The following BTBD10 variants were observed in gnomAD, a reference collection of about 807,000 sequenced individuals.
The protein encoded by BTBD10 is BTB/POZ domain-containing protein 10.
A neutral mutation model predicts 53.2 loss-of-function variants in BTBD10; 21 were observed. That is an observed-to-expected ratio of 0.39 (90% CI 0.28 to 0.57). The LOEUF is 0.57. Ranked by LOEUF, BTBD10 falls within the 20% of genes least tolerant of loss-of-function variation. The pLI is 0.53. For missense variants in BTBD10, 360 were observed against 594.7 expected, an observed-to-expected ratio of 0.61 and a Z score of 4.10; for synonymous variants, 149 against 192.7, an observed-to-expected ratio of 0.77 and a Z score of 1.88.
At chr11:13,430,804 A>G (rs1249076807) in intron 2 of BTBD10, among the ~76,000 whole-genome samples, 3 of 152,148 alleles carry the variant, frequency 2.0e-5, no homozygotes, top group Non-Finnish European at 4.4e-5. Flanking sequence ...ATTATATAAA[A>G]TTCTAGGAAA....
intron 8 of BTBD10, 120 bp downstream of exon 8, chr11:13,403,048 G>C (rs1666463102): frequency 1.6e-6 from 1 of 641,590 alleles, no homozygotes; most frequent in South Asian, 2.2e-5. Context: ...ATAAGCATGT[G>C]GTAATCATTT....
intron 1 of BTBD10, among the ~76,000 whole-genome samples, chr11:13,451,957 A>C (rs1221824928): frequency 1.3e-5 from 2 of 152,196 alleles, no homozygotes; most frequent in East Asian, 3.8e-4. Flanking sequence ...TGAAAAGAAC[A>C]ATAACTAGAA....
At chr11:13,393,047 T>C (rs1175061481) in intron 8 of BTBD10, among the ~76,000 whole-genome samples, 1 of 152,072 alleles carries the variant, frequency 6.6e-6, no homozygotes, top group Non-Finnish European at 1.5e-5. Flanking sequence ...ACAAACAAAA[T>C]GAAAAACCCC....
At chr11:13,448,470 C>T (rs1950790225) in intron 1 of BTBD10, among the ~76,000 whole-genome samples, 1 of 152,086 alleles carries the variant, frequency 6.6e-6, no homozygotes, top group Admixed American at 6.5e-5. Flanking sequence ...ACAGGCACCC[C>T]AACTTCAATA....
At chr11:13,395,459 G>T (rs1395153766) in intron 8 of BTBD10, among the ~76,000 whole-genome samples, 1 of 152,072 alleles carries the variant, frequency 6.6e-6, no homozygotes, top group Non-Finnish European at 1.5e-5. Context: ...AGATGAGTAG[G>T]TTGCAAAAAT....
At chr11:13,399,291 T>C (rs1050820228) in intron 8 of BTBD10, among the ~76,000 whole-genome samples, 1 of 152,330 alleles carries the variant, frequency 6.6e-6, no homozygotes. Context: ...CTTCATTTCA[T>C]TCATTTTGTC....
chr11:13,408,061 A>G (rs1275989111), intron 6 of BTBD10, among the ~76,000 whole-genome samples: 1 of 152,152 alleles, frequency 6.6e-6, no homozygotes, highest in African/African-American at 2.4e-5. Context: ...GAGGCCTCAG[A>G]TATTGTGATA....
intron 8 of BTBD10, among the ~76,000 whole-genome samples, chr11:13,401,036 A>C (rs1338453420): frequency 6.6e-6 from 1 of 152,110 alleles, no homozygotes; most frequent in Non-Finnish European, 1.5e-5. Flanking sequence ...GATTGATTCA[A>C]ATAAAGTATT....
Position 13,388,519 on chromosome 11 carries a change from G to T in BTBD10, c.*312C>A. 4.0e-6 allele frequency: 1 copy of T among 246,992 alleles called. No homozygotes were observed. The highest frequency in any genetic ancestry group is 7.9e-6 in the Non-Finnish European group (1 of 126,436). 15.3% of individuals were successfully genotyped at this position (246,992 alleles called of 1,614,324 possible). A position where few individuals can be genotyped will look rare whatever the true frequency, so the allele number is the denominator to read the frequency against. The stretch of plus-strand genomic sequence containing the variant: ...ATCAGTCCAAACTGAAAGTACCCCA[G>T]CTGCCAATTTCCACCACTTCTGAAA... On this transcript the variant is annotated 3_prime_UTR_variant, in exon 9 of 9. Transcript: ENST00000278174.
intron 2 of BTBD10, among the ~76,000 whole-genome samples, chr11:13,428,124 T>C (rs1299131736): frequency 3.3e-5 from 5 of 151,964 alleles, no homozygotes; most frequent in African/African-American, 1.2e-4. Context: ...AAACTACCAA[T>C]GTCAGAAATA....
intron 8 of BTBD10, among the ~76,000 whole-genome samples, chr11:13,394,805 T>C (rs1189705542): frequency 6.6e-6 from 1 of 152,022 alleles, no homozygotes; most frequent in Non-Finnish European, 1.5e-5. Context: ...TTTGGCTTTG[T>C]CCTTGCGATA....
intron 8 of BTBD10, among the ~76,000 whole-genome samples, chr11:13,398,718 G>C (rs1230771237): frequency 6.6e-6 from 1 of 152,210 alleles, no homozygotes; most frequent in Non-Finnish European, 1.5e-5. Context: ...TCCTTCAGGA[G>C]CTCTTGTAGG....
chr11:13,442,373 A>C (rs1311951807), intron 2 of BTBD10, among the ~76,000 whole-genome samples: 1 of 152,156 alleles, frequency 6.6e-6, no homozygotes, highest in African/African-American at 2.4e-5. Flanking sequence ...AAATTATGTA[A>C]AATTTGAAAA....
intron 1 of BTBD10, chr11:13,462,804 A>G (rs1360154751): frequency 6.6e-6 from 1 of 151,976 alleles, no homozygotes; most frequent in Non-Finnish European, 1.5e-5. Context: ...TGCCCTGGAA[A>G]GGGATGAGGG....
chr11:13,450,345 A>G (rs1320668916), intron 1 of BTBD10, among the ~76,000 whole-genome samples: 1 of 152,196 alleles, frequency 6.6e-6, no homozygotes, highest in Non-Finnish European at 1.5e-5. Flanking sequence ...TGGCAGACAA[A>G]AGAGTAAATA....
In BTBD10 at chr11:13,388,513, AC is replaced by A. The variant is rs1176007746; in HGVS notation, c.*317del. ...ATGAATATCAGTCCAAACTGAAAGT[AC>A]CCCAGCTGCCAATTTCCACCACTTC... is the stretch of plus-strand genomic sequence containing the variant. On this transcript the variant is annotated 3_prime_UTR_variant, in exon 9 of 9. Coordinates refer to ENST00000278174, the MANE Select transcript of BTBD10 (RefSeq NM_032320.7). 1 of 241,292 alleles carries A rather than the reference AC, an allele frequency of 4.1e-6. No homozygotes were observed. The highest frequency in any genetic ancestry group is 8.1e-6 in the Non-Finnish European group (1 of 122,794). 14.9% of individuals were successfully genotyped at this position (241,292 alleles called of 1,614,324 possible).
chr11:13,405,549 T>G, intron 7 of BTBD10, 110 bp downstream of exon 7: 1 of 1,150,706 alleles, frequency 8.7e-7, no homozygotes, highest in Non-Finnish European at 1.2e-6. Flanking sequence ...TAAAAATAGG[T>G]GATGGGCTGG....
intron 1 of BTBD10, among the ~76,000 whole-genome samples, chr11:13,447,857 G>A (rs1475746252): frequency 2.0e-5 from 3 of 152,088 alleles, no homozygotes; most frequent in African/African-American, 7.2e-5. Flanking sequence ...TTCAAATTGA[G>A]ATGTTTGGAA....
chr11:13,451,930 G>A (rs1323207187), intron 1 of BTBD10, among the ~76,000 whole-genome samples: 1 of 152,052 alleles, frequency 6.6e-6, no homozygotes, highest in Non-Finnish European at 1.5e-5. Flanking sequence ...CAAAAGAAAT[G>A]GAAATTCAGC....
Sources: gnomAD v4.1 joint callset for allele counts (sites outside exome capture counted in the v4.1 genomes callset) on GRCh38, gnomAD v4.1.1 for gene constraint, MANE v1.5 for transcripts, NCBI Gene and HGNC (gene_info 2026-07-23, HGNC 2026-07-21) for gene names.